The following ZNF609 variants were observed in gnomAD, a reference collection of about 807,000 sequenced individuals.
ZNF609 encodes zinc finger protein 609.
Under a neutral mutation model 109.5 loss-of-function variants are expected in ZNF609, and 11 were observed. That is an observed-to-expected ratio of 0.10 (90% confidence interval 0.06 to 0.17). ZNF609 has a LOEUF of 0.17. ZNF609 is among the 10% of genes least tolerant of loss of function. The probability of loss-of-function intolerance (pLI) is 1.00; values close to 1 mark genes in which losing one functional copy is unlikely to be tolerated. For synonymous variants in ZNF609, 646 were observed against 662.0 expected (o/e 0.98, Z 0.37); for missense variants, 1,559 against 1,772.4 (o/e 0.88, Z 2.16).
At chr15:64,517,123 C>G (rs1009554405) in intron 2 of ZNF609, among the ~76,000 whole-genome samples, 24 of 152,170 alleles carry the variant, frequency 1.6e-4, no homozygotes, top group African/African-American at 5.1e-4. Flanking sequence ...CTCCTATAAA[C>G]CCAGCACTTT....
intron 1 of ZNF609, among the ~76,000 whole-genome samples, chr15:64,481,319 C>CTTTTTT (rs889184379): frequency 6.3e-5 from 8 of 127,272 alleles, no homozygotes; most frequent in African/African-American, 1.8e-4. Flanking sequence ...TTTCTTTTTT[C>CTTTTTT]TTTTTTTTTT....
In ZNF609 at chr15:64,612,715, T is replaced by C. The variant is rs149576202; in HGVS notation, c.748-10112T>C. On this transcript the variant is annotated intron_variant, in intron 2 of 9. Coordinates refer to ENST00000326648, the MANE Select transcript of ZNF609 (RefSeq NM_015042.2). Reference sequence around the variant, plus strand: ...GGGAGAGGCAGGGTCCAAGTGTAGTTACTGTTTGAAAAGGACCTGCCGGGC... The same window carrying C: ...GGGAGAGGCAGGGTCCAAGTGTAGTCACTGTTTGAAAAGGACCTGCCGGGC... 3.7e-3 allele frequency among the ~76,000 whole-genome samples: 556 copies of C among 151,590 alleles called. 7 individuals are homozygous for C. The highest frequency in any genetic ancestry group is 0.013 in the African/African-American group (527 of 41,354).
chr15:64,591,724 ATT>A (rs771812223), intron 2 of ZNF609, among the ~76,000 whole-genome samples: 8 of 142,578 alleles, frequency 5.6e-5, no homozygotes, highest in Admixed American at 7.0e-5. Context: ...ACTAAAAATA[ATT>A]TTTTTTTTTT....
At chr15:64,537,090 G>T (rs1320657845) in intron 2 of ZNF609, among the ~76,000 whole-genome samples, 3 of 151,786 alleles carry the variant, frequency 2.0e-5, no homozygotes, top group Admixed American at 6.6e-5. Context: ...AGGTGTGGTG[G>T]TGGGCAGTTG....
At chr15:64,572,179 C>T (rs1034066255) in intron 2 of ZNF609, among the ~76,000 whole-genome samples, 1 of 152,196 alleles carries the variant, frequency 6.6e-6, no homozygotes, top group African/African-American at 2.4e-5. Context: ...ATGTCACCTT[C>T]TGAGTGAGTT....
upstream of ZNF609, among the ~76,000 whole-genome samples, chr15:64,460,514 C>CA (rs1295827534): frequency 6.6e-6 from 1 of 152,156 alleles, no homozygotes; most frequent in Non-Finnish European, 1.5e-5. Context: ...CCAGACTCCA[C>CA]ACAAGCGCGG....
At chr15:64,577,859 CA>C (rs926241774) in intron 2 of ZNF609, among the ~76,000 whole-genome samples, 2 of 150,978 alleles carry the variant, frequency 1.3e-5, no homozygotes, top group African/African-American at 2.4e-5. Context: ...AACTCCGTCT[CA>C]AAAAAAGAAA....
chr15:64,571,869 G>C (rs779209249), intron 2 of ZNF609, among the ~76,000 whole-genome samples: 1 of 151,988 alleles, frequency 6.6e-6, no homozygotes, highest in East Asian at 1.9e-4. Flanking sequence ...ACAAGATTTC[G>C]CCATGTTGGT....
At chr15:64,630,948 A>C (rs989977035) in intron 3 of ZNF609, among the ~76,000 whole-genome samples, 9 of 152,220 alleles carry the variant, frequency 5.9e-5, no homozygotes, top group African/African-American at 1.9e-4. Context: ...ATCTTTCAGC[A>C]AGAAATACAT....
intron 1 of ZNF609, among the ~76,000 whole-genome samples, chr15:64,465,009 T>C (rs1188653952): frequency 1.3e-5 from 2 of 149,200 alleles, no homozygotes; most frequent in Admixed American, 6.6e-5. Flanking sequence ...CTTCTGTAAC[T>C]GTGGTTTTTT....
chr15:64,659,060 G>A lies in ZNF609; in HGVS notation c.974-11286G>A, dbSNP rs531069602. Reference sequence around the variant, plus strand: ...GCTCACCTCAGCCTCCCAAAGTTGTGCTTTTTCGTTTCTCTCTCTAGGAGA... The same window carrying A: ...GCTCACCTCAGCCTCCCAAAGTTGTACTTTTTCGTTTCTCTCTCTAGGAGA... On this transcript the variant is annotated intron_variant, in intron 3 of 9. Transcript: ENST00000326648. 1.8e-4 allele frequency among the ~76,000 whole-genome samples: 27 copies of A among 152,162 alleles called. No individual in the cohort carries two copies. The South Asian group carries it at 3.7e-3, about 21-fold the overall frequency.
rs1363767496 is a variant in ZNF609 at position 64,578,159 on chromosome 15, T to G, written c.748-44668T>G. 2.6e-5 allele frequency among the ~76,000 whole-genome samples: 4 copies of G among 152,000 alleles called. No homozygotes were observed. The East Asian group carries it at 7.7e-4, about 29-fold the overall frequency. On this transcript the variant is annotated intron_variant, in intron 2 of 9. Transcript: ENST00000326648. ...AAGATTTATTTATTTATTTTTTTAT[T>G]TTTTTGAGACAGTCTTGCACTGTCG...
At chr15:64,546,556 C>T (rs1894364596) in intron 2 of ZNF609, among the ~76,000 whole-genome samples, 2 of 150,526 alleles carry the variant, frequency 1.3e-5, no homozygotes, top group Admixed American at 1.3e-4. Context: ...CACCACAGCC[C>T]CAACCTCCCA....
intron 2 of ZNF609, among the ~76,000 whole-genome samples, chr15:64,574,452 C>G (rs2140416916): frequency 6.6e-6 from 1 of 152,230 alleles, no homozygotes; most frequent in South Asian, 2.1e-4. Flanking sequence ...AGAATCTGCC[C>G]AAGGGACTTA....
intron 1 of ZNF609, among the ~76,000 whole-genome samples, chr15:64,463,652 A>G (rs958909881): frequency 6.6e-6 from 1 of 152,156 alleles, no homozygotes; most frequent in African/African-American, 2.4e-5. Context: ...CTTTTATTTC[A>G]GTGAGTTTCT....
intron 2 of ZNF609, among the ~76,000 whole-genome samples, chr15:64,521,267 T>C (rs73452271): frequency 6.6e-6 from 1 of 152,178 alleles, no homozygotes; most frequent in Non-Finnish European, 1.5e-5. Flanking sequence ...AACCAGCTCA[T>C]AAACAAGAGC....
chr15:64,468,275 TTTCC>T (rs1210301596), intron 1 of ZNF609, among the ~76,000 whole-genome samples: 8 of 151,268 alleles, frequency 5.3e-5, no homozygotes, highest in South Asian at 4.2e-4. Flanking sequence ...TTTCTTTTCT[TTTCC>T]TTCCTTCCTT....
chr15:64,588,554 A>G (rs974846961), intron 2 of ZNF609, among the ~76,000 whole-genome samples: 1 of 150,884 alleles, frequency 6.6e-6, no homozygotes, highest in African/African-American at 2.4e-5. Flanking sequence ...TTTGTTGCCC[A>G]CGCTGGTCTC....
intron 2 of ZNF609, among the ~76,000 whole-genome samples, chr15:64,561,692 G>A (rs887846310): frequency 6.6e-6 from 1 of 151,544 alleles, no homozygotes; most frequent in Non-Finnish European, 1.5e-5. Flanking sequence ...CACCATGCCT[G>A]GGCAGTCTCA....
Sources: allele counts gnomAD v4.1 joint callset (sites outside exome capture counted in the v4.1 genomes callset), GRCh38; gene constraint gnomAD v4.1.1; transcripts MANE v1.5; gene names NCBI Gene and HGNC (gene_info 2026-07-23, HGNC 2026-07-21).